Variants in PHACTR2 observed in about 807,000 individuals in gnomAD.
The protein encoded by PHACTR2 is chromosome 6 open reading frame 56.
PHACTR2 carries 30 observed loss-of-function variants against 76.0 expected under a neutral mutation model. The observed-to-expected ratio is 0.39, with a 90% confidence interval of 0.30 to 0.54. The LOEUF (loss-of-function observed/expected upper bound fraction) is 0.54. PHACTR2 is among the 20% of genes least tolerant of loss of function. The pLI, the probability that PHACTR2 is intolerant of heterozygous loss-of-function variation, is 0.61. For missense variants in PHACTR2, 696 were observed against 781.1 expected (o/e 0.89, Z 1.30); for synonymous variants, 292 against 292.5 (o/e 1.00, Z 0.02).
Position 143,709,458 on chromosome 6 carries a change from G to T in PHACTR2, c.47-2558G>T, listed in dbSNP as rs1019321313. On this transcript the variant is annotated intron_variant, in intron 1 of 12. Transcript: ENST00000440869. The surrounding 1 kb of genome is among the most constrained non-coding windows in gnomAD (Gnocchi z 4.4). The stretch of plus-strand genomic sequence containing the variant: ...TCTTCATTCAGTTTGAGATTTTCCT[G>T]GTTCTTAGTGTGTCAAGTGATTTTC... 5.3e-5 allele frequency among the ~76,000 whole-genome samples: 8 copies of T among 152,268 alleles called. No homozygotes were observed. The highest frequency in any genetic ancestry group is 2.0e-4 in the Admixed American group (3 of 15,296).
At chr6:143,779,724 C>T (rs1303418043) in intron 9 of PHACTR2, among the ~76,000 whole-genome samples, 1 of 151,982 alleles carries the variant, frequency 6.6e-6, no homozygotes, top group African/African-American at 2.4e-5. Context: ...TAGAGCCCAT[C>T]ACTAGTTCAA....
intron 2 of PHACTR2, among the ~76,000 whole-genome samples, chr6:143,726,886 T>C (rs1778585629): frequency 6.6e-6 from 1 of 152,244 alleles, no homozygotes; most frequent in Non-Finnish European, 1.5e-5. Flanking sequence ...TACTGGGTCA[T>C]GATCAGGTCA....
intron 1 of PHACTR2, among the ~76,000 whole-genome samples, chr6:143,612,797 ACT>A (rs1310102340): frequency 7.0e-6 from 1 of 143,194 alleles, no homozygotes; most frequent in African/African-American, 2.6e-5. Context: ...TAAAAAAGAA[ACT>A]CATTCTTATC....
rs547284473 is a variant in PHACTR2 at position 143,710,955 on chromosome 6, C to T, written c.47-1061C>T. ...CTATCTATCCAGTTATTATTTTTGA[C>T]GGACATCAGTACACTTCACCTCTAA... On this transcript the variant is annotated intron_variant, in intron 1 of 12. Transcript: ENST00000440869. This position sits in a 1 kb window ranked among gnomAD's most constrained non-coding sequence, Gnocchi z 4.9. The T allele has an allele frequency of 1.6e-4, 74 of 468,496 alleles. No homozygotes were observed. The highest frequency in any genetic ancestry group is 6.7e-4 in the South Asian group (42 of 62,292). The allele number at this position is 468,496 out of a possible 1,614,324, so 29.0% of individuals were successfully genotyped here.
At chr6:143,655,727 C>T (rs772569820) in intron 1 of PHACTR2, among the ~76,000 whole-genome samples, 2 of 152,180 alleles carry the variant, frequency 1.3e-5, no homozygotes, top group Non-Finnish European at 1.5e-5. Flanking sequence ...GATTTACTTT[C>T]TATTCACGTT....
At chr6:143,660,917 G>A (rs1043286628) in intron 1 of PHACTR2, among the ~76,000 whole-genome samples, 1 of 152,116 alleles carries the variant, frequency 6.6e-6, no homozygotes, top group East Asian at 1.9e-4. Flanking sequence ...GACAAACAGA[G>A]GCTTGAGAAC....
chr6:143,565,724 A>G (rs1775354338), intron 1 of PHACTR2, among the ~76,000 whole-genome samples: 1 of 152,010 alleles, frequency 6.6e-6, no homozygotes, highest in African/African-American at 2.4e-5. Context: ...GCAGAAAACC[A>G]GTGGATGATG....
rs1776066492 is a variant in PHACTR2 at position 143,806,440 on chromosome 6, A to G, written c.1846-617A>G. ...TGTTGTAGGCAATATTCTATGTAGA[A>G]CTTTCCATAGGAAAATGGTATTGCT... On this transcript the variant is annotated intron_variant, in intron 11 of 12. Coordinates refer to ENST00000440869, the MANE Select transcript of PHACTR2 (RefSeq NM_001100164.2). The surrounding 1 kb of genome is among the most constrained non-coding windows in gnomAD (Gnocchi z 5.8). Among the ~76,000 whole-genome samples, 1 of 152,164 alleles carries G rather than the reference A, an allele frequency of 6.6e-6. No individual in the cohort carries two copies. The highest frequency in any genetic ancestry group is 2.1e-4 in the South Asian group (1 of 4,826).
In PHACTR2 at chr6:143,751,170, C is replaced by T. The variant is rs1779174410; in HGVS notation, c.295+2105C>T. Among the ~76,000 whole-genome samples the T allele has an allele frequency of 1.3e-5, 2 of 152,202 alleles. No individual in the cohort carries two copies. Among genetic ancestry groups the T allele is most frequent in the Non-Finnish European group, 2.9e-5 (2 of 68,034 alleles). ...GCGTCTGCTCTTGACAGTGCCTGTC[C>T]ATCAAGCCCTTTATTCAGTGAGCCA... On this transcript the variant is annotated intron_variant, in intron 3 of 12. Transcript: ENST00000440869. This position sits in a 1 kb window ranked among gnomAD's most constrained non-coding sequence, Gnocchi z 5.7.
chr6:143,747,352 TTAAGGAA>T (rs1216718474), intron 2 of PHACTR2, among the ~76,000 whole-genome samples: 1 of 152,216 alleles, frequency 6.6e-6, no homozygotes, highest in African/African-American at 2.4e-5. Flanking sequence ...TAGCAAACAC[TTAAGGAA>T]GACTTTCATG....
In PHACTR2 at chr6:143,827,648, G is replaced by C. The variant is rs909106447; in HGVS notation, c.*3959G>C. On this transcript the variant is annotated 3_prime_UTR_variant, in exon 13 of 13. Transcript: ENST00000440869. ...TTACTAGGAAAAGTATATTCTTTGG[G>C]ATAAGAATTAATTTCTTCACACTAT... 2.0e-5 allele frequency: 3 copies of C among 152,074 alleles called. No homozygotes were observed. The highest frequency in any genetic ancestry group is 2.9e-5 in the Non-Finnish European group (2 of 68,018). The allele number at this position is 152,074 out of a possible 1,614,324, so 9.4% of individuals were successfully genotyped here.
chr6:143,741,635 C>T (rs1414297272), intron 2 of PHACTR2, among the ~76,000 whole-genome samples: 1 of 152,126 alleles, frequency 6.6e-6, no homozygotes, highest in Non-Finnish European at 1.5e-5. Context: ...GAAATTGCGA[C>T]AGTAATTTCC....
chr6:143,804,050 A>C (rs1776015629), intron 11 of PHACTR2, among the ~76,000 whole-genome samples: 2 of 152,194 alleles, frequency 1.3e-5, no homozygotes, highest in Non-Finnish European at 2.9e-5. Context: ...ACTGCTTTTT[A>C]ACAAACCACC....
rs543073600 is a variant in PHACTR2, at chr6:143,775,319, A to G, written c.1589+1104A>G. On this transcript the variant is annotated intron_variant, in intron 8 of 12. Transcript: ENST00000440869. The surrounding 1 kb of genome is among the most constrained non-coding windows in gnomAD (Gnocchi z 4.4). ...TTGCGACTCTGGAAGAAATTTGGGAATGTTTACCAGTGGTCTCTCTCGCTC... is the reference window on the plus strand; with the variant it reads ...TTGCGACTCTGGAAGAAATTTGGGAGTGTTTACCAGTGGTCTCTCTCGCTC... Among the ~76,000 whole-genome samples, 3 of 152,126 alleles carry G rather than the reference A, an allele frequency of 2.0e-5. No individual in the cohort carries two copies. Among genetic ancestry groups the G allele is most frequent in the Non-Finnish European group, 4.4e-5 (3 of 68,028 alleles).
Position 143,765,819 on chromosome 6 carries a change from C to T in PHACTR2, c.1232+21C>T, listed in dbSNP as rs1456515337. The T allele has an allele frequency of 6.4e-7, 1 of 1,574,094 alleles. No homozygotes were observed. Among genetic ancestry groups the T allele is most frequent in the South Asian group, 1.1e-5 (1 of 88,806 alleles). On this transcript the variant is annotated intron_variant, in intron 6 of 12. Coordinates refer to ENST00000440869, the MANE Select transcript of PHACTR2 (RefSeq NM_001100164.2). The surrounding 1 kb of genome is among the most constrained non-coding windows in gnomAD (Gnocchi z 4.1). The stretch of plus-strand genomic sequence containing the variant: ...AAATGGTGAGTTGGGGAACAAACCC[C>T]CTATTTTATCTGAGAACTAAAGATC...
intron 1 of PHACTR2, among the ~76,000 whole-genome samples, chr6:143,705,416 TC>T (rs1265807366): frequency 1.3e-5 from 2 of 150,402 alleles, no homozygotes; most frequent in African/African-American, 4.9e-5. Flanking sequence ...TGCCTCAGCC[TC>T]CCGAGTAGCT....
rs1029612839 is a variant in PHACTR2, at chr6:143,589,795, G to T, written c.217+52588G>T. Among the ~76,000 whole-genome samples, 3 of 152,182 alleles carry T rather than the reference G, an allele frequency of 2.0e-5. No individual in the cohort carries two copies. Among genetic ancestry groups the T allele is most frequent in the African/African-American group, 7.2e-5 (3 of 41,442 alleles). ...AATTTAGGGGAGGGGACACAATTCA[G>T]TCCATTGCACTAATCTTATGCAAAC... On this transcript the variant is annotated intron_variant, in intron 1 of 11. Transcript: ENST00000367584. The surrounding 1 kb of genome is among the most constrained non-coding windows in gnomAD (Gnocchi z 4.4).
At chr6:143,702,286 T>G (rs1362907256) in intron 1 of PHACTR2, among the ~76,000 whole-genome samples, 1 of 152,052 alleles carries the variant, frequency 6.6e-6, no homozygotes. Flanking sequence ...TTTTTGTATT[T>G]TTAGTAGAGA....
chr6:143,610,004 T>A lies in PHACTR2; in HGVS notation c.13+1682T>A, dbSNP rs557728034. Among the ~76,000 whole-genome samples the A allele has an allele frequency of 2.0e-5, 3 of 152,336 alleles. No individual in the cohort carries two copies. The South Asian group carries it at 6.2e-4, about 32-fold the overall frequency. ...GGAGAGTGGCTTGTAAAGTAGCAAT[T>A]TCTATATCATTTCAAATTTTAGGTG... On this transcript the variant is annotated intron_variant, in intron 1 of 11. Transcript: ENST00000305766. This position sits in a 1 kb window ranked among gnomAD's most constrained non-coding sequence, Gnocchi z 4.9.
Sources: gnomAD v4.1 joint callset for allele counts (sites outside exome capture counted in the v4.1 genomes callset) on GRCh38, gnomAD v4.1.1 for gene constraint, Gnocchi (gnomAD v3.1) non-coding constraint, MANE v1.5 for transcripts, NCBI Gene and HGNC (gene_info 2026-07-23, HGNC 2026-07-21) for gene names.